Variants in ISY1 observed in about 807,000 individuals in gnomAD.
The protein encoded by ISY1 is pre-mRNA-splicing factor ISY1 homolog.
In ISY1, 12 loss-of-function variants were observed where a neutral mutation model predicts 54.4. The observed-to-expected ratio is 0.22, with a 90% confidence interval of 0.14 to 0.36. The LOEUF (loss-of-function observed/expected upper bound fraction) is 0.36, where lower values mean the gene tolerates loss of function less well. ISY1 is among the 10% of genes least tolerant of loss of function. The pLI is 1.00. For synonymous variants in ISY1, 96 were observed against 117.9 expected (o/e 0.81, Z 1.20); for missense variants, 282 against 342.2 (o/e 0.82, Z 1.39).
chr3:129,137,703 G>A lies in ISY1; in HGVS notation c.418+2665C>T, dbSNP rs375246211. Among the ~76,000 whole-genome samples, 26 of 152,058 alleles carry A rather than the reference G, an allele frequency of 1.7e-4. 3 individuals carry two copies. Among genetic ancestry groups the A allele is most frequent in the Admixed American group, 5.9e-4 (9 of 15,248 alleles). Reference sequence around the variant, plus strand: ...AGGCGGGCGGATCACGAGGTCAGGAGATAGAGACCATCCTGGCTAACACGG... The same window carrying A: ...AGGCGGGCGGATCACGAGGTCAGGAAATAGAGACCATCCTGGCTAACACGG... On this transcript the variant is annotated intron_variant, in intron 7 of 10. Coordinates refer to ENST00000393295, the MANE Select transcript of ISY1 (RefSeq NM_020701.4).
Position 129,134,127 on chromosome 3 carries a change from C to G in ISY1, c.610G>C (p.Glu204Gln). The change falls in exon 9 of 11, where the codon GAG becomes CAG. Residue 204 changes from glutamate to glutamine, a missense_variant. Physicochemically the swap from Glu to Gln is conservative, Grantham distance 29. Around this residue, in one of 2 missense-constraint regions of ISY1, gnomAD observed 279 missense variants for 323.6 expected, o/e 0.86. Transcript: ENST00000393295. ...EARLARGEKEEEEEEEEEINI... is the reference protein window; with the variant it reads ...EARLARGEKEQEEEEEEEINI... ...ATCTCTTCCTCCTCTTCCTCCTCCT[C>G]TTCCTTTTCTCCTCTTGCCAGCCGA... 1 of 1,614,188 alleles carries G rather than the reference C, an allele frequency of 6.2e-7. No individual in the cohort carries two copies. Among genetic ancestry groups the G allele is most frequent in the Non-Finnish European group, 8.5e-7 (1 of 1,180,046 alleles).
At chr3:129,141,957 C>A (rs1347705515) in intron 6 of ISY1, among the ~76,000 whole-genome samples, 1 of 151,952 alleles carries the variant, frequency 6.6e-6, no homozygotes, top group Non-Finnish European at 1.5e-5. Context: ...GTAATCCCAG[C>A]ACTTTGTGAG....
intron 5 of ISY1, among the ~76,000 whole-genome samples, chr3:129,154,132 C>T (rs552051822): frequency 2.0e-5 from 3 of 149,198 alleles, no homozygotes; most frequent in South Asian, 2.1e-4. Context: ...GTCCCAGCTA[C>T]GCGGGAGGCT....
rs140571096 is a variant in ISY1 at position 129,135,074 on chromosome 3, C to T, written c.419-120G>A. 309 of 1,326,138 alleles carry T rather than the reference C, an allele frequency of 2.3e-4. 4 individuals carry two copies. In the African/African-American group the frequency reaches 3.8e-3, roughly 16 times the overall value. 82.1% of individuals were successfully genotyped at this position (1,326,138 alleles called of 1,614,324 possible). On this transcript the variant is annotated intron_variant, in intron 7 of 10. Coordinates refer to ENST00000393295, the MANE Select transcript of ISY1 (RefSeq NM_020701.4). ...TATGTTCATGAAAATACCAGGTGGG[C>T]GCAGTGGCTCATGCTTGTAATCCTA... is the stretch of plus-strand genomic sequence containing the variant.
Position 129,128,299 on chromosome 3 carries a change from G to A in ISY1, c.*1782C>T, listed in dbSNP as rs935907699. 2.0e-5 allele frequency: 3 copies of A among 152,090 alleles called. No individual in the cohort carries two copies. The highest frequency in any genetic ancestry group is 2.0e-4 in the East Asian group (1 of 5,120). 9.4% of individuals were successfully genotyped at this position (152,090 alleles called of 1,614,324 possible). A position where few individuals can be genotyped will look rare whatever the true frequency, so the allele number is the denominator to read the frequency against. ...CTCCTCCCTGCACACATTTGCCTCCGGGCTTGACTGAGGGCTGGGATTGGC... is the reference window on the plus strand; with the variant it reads ...CTCCTCCCTGCACACATTTGCCTCCAGGCTTGACTGAGGGCTGGGATTGGC... On this transcript the variant is annotated 3_prime_UTR_variant, in exon 11 of 11. Coordinates refer to ENST00000393295, the MANE Select transcript of ISY1 (RefSeq NM_020701.4).
chr3:129,133,669 G>A (rs1936302785), intron 9 of ISY1, among the ~76,000 whole-genome samples: 1 of 152,170 alleles, frequency 6.6e-6, no homozygotes, highest in African/African-American at 2.4e-5. Flanking sequence ...ACTCCAGCCT[G>A]GGCAACAGAG....
At chr3:129,135,623 G>A (rs751615233) in intron 7 of ISY1, among the ~76,000 whole-genome samples, 5 of 151,802 alleles carry the variant, frequency 3.3e-5, no homozygotes, top group Admixed American at 6.6e-5. Context: ...AATTAGCCAG[G>A]CATGGTGGTG....
intron 5 of ISY1, among the ~76,000 whole-genome samples, chr3:129,146,974 G>A (rs370287155): frequency 6.6e-6 from 1 of 151,910 alleles, no homozygotes; most frequent in African/African-American, 2.4e-5. Context: ...TGGGAGAATC[G>A]CTTGAGCCCA....
At chr3:129,158,444 CCACTG>C in intron 3 of ISY1, 59 bp downstream of exon 3, 1 of 1,601,282 alleles carries the variant, frequency 6.2e-7, no homozygotes, top group Non-Finnish European at 8.5e-7. Context: ...CAGGCATGAG[CCACTG>C]CACCCAGCCT....
chr3:129,149,636 T>TAA (rs759382962), intron 5 of ISY1, among the ~76,000 whole-genome samples: 1 of 54,698 alleles, frequency 1.8e-5, no homozygotes. Flanking sequence ...TATATATATA[T>TAA]ACACAAAAAA....
Position 129,130,056 on chromosome 3 carries a change from C to G in ISY1, c.*25G>C, listed in dbSNP as rs762895665. On this transcript the variant is annotated 3_prime_UTR_variant, in exon 11 of 11. Coordinates refer to ENST00000393295, the MANE Select transcript of ISY1 (RefSeq NM_020701.4). ...GAGGTACCACTGGGGGATGGAAGAA[C>G]TCCAAGGAGAGCCCCAGCTGGGTCC... 3 of 1,546,362 alleles carry G rather than the reference C, an allele frequency of 1.9e-6. No homozygotes were observed. The East Asian group carries it at 6.9e-5, about 36-fold the overall frequency.
At chr3:129,154,711 C>CA (rs1161813698) in intron 5 of ISY1, among the ~76,000 whole-genome samples, 1 of 127,768 alleles carries the variant, frequency 7.8e-6, no homozygotes, top group Non-Finnish European at 1.6e-5. Flanking sequence ...TTTTTTGAGA[C>CA]AGAGTCTCGC....
chr3:129,130,420 G>A, intron 10 of ISY1, 130 bp downstream of exon 10: 1 of 1,217,420 alleles, frequency 8.2e-7, no homozygotes, highest in Non-Finnish European at 1.1e-6. Context: ...CACAATGACA[G>A]GTGTCATGTG....
intron 1 of ISY1, 43 bp from the exon 2 acceptor site, chr3:129,159,219 T>C: frequency 1.3e-6 from 2 of 1,585,246 alleles, no homozygotes; most frequent in Middle Eastern, 1.7e-4. Flanking sequence ...ATGTTTAAAA[T>C]ATATTTTTTT....
At chr3:129,146,090 C>T (rs1208588086) in intron 5 of ISY1, among the ~76,000 whole-genome samples, 1 of 151,862 alleles carries the variant, frequency 6.6e-6, no homozygotes, top group African/African-American at 2.4e-5. Context: ...AAAAAAAATC[C>T]TTGAAAATAA....
intron 6 of ISY1, among the ~76,000 whole-genome samples, chr3:129,143,509 A>G (rs1159713353): frequency 6.6e-6 from 1 of 151,378 alleles, no homozygotes; most frequent in Non-Finnish European, 1.5e-5. Flanking sequence ...CTGTCTCAAA[A>G]AAAAAAAAAA....
intron 3 of ISY1, 107 bp downstream of exon 3, chr3:129,158,401 C>G: frequency 6.7e-7 from 1 of 1,489,906 alleles, no homozygotes; most frequent in Non-Finnish European, 9.2e-7. Context: ...TCAAGTGATC[C>G]ACCCACCTCA....
chr3:129,159,862 C>T (rs1937253242), intron 1 of ISY1, among the ~76,000 whole-genome samples: 1 of 152,168 alleles, frequency 6.6e-6, no homozygotes. Flanking sequence ...GAGACAAATA[C>T]ACCAGGCATG....
Position 129,156,646 on chromosome 3 carries a change from A to G in ISY1, c.174T>C (p.Ala58=), listed in dbSNP as rs1179992155. 2.5e-6 allele frequency: 4 copies of G among 1,611,808 alleles called. No individual in the cohort carries two copies. Among genetic ancestry groups the G allele is most frequent in the Non-Finnish European group, 3.4e-6 (4 of 1,179,116 alleles). ...AAGTTTGCTTACCATTCTGAATCTG[A>G]GCCACTTTTTTAGAGATCTCTCCAA... ...QIIGEISKKV[A]QIQNAGLGEF... The change falls in exon 5 of 11, where the codon GCT becomes GCC. Residue 58 remains alanine (A), a synonymous_variant. Transcript: ENST00000393295.
Sources: gnomAD v4.1 joint callset for allele counts (sites outside exome capture counted in the v4.1 genomes callset) on GRCh38, gnomAD v4.1.1 for gene constraint, gnomAD v4.1.1 regional missense constraint, MANE v1.5 for transcripts, NCBI Gene and HGNC (gene_info 2026-07-23, HGNC 2026-07-21) for gene names.